The following CDC14B variants were observed in gnomAD, a reference collection of about 807,000 sequenced individuals.
CDC14B encodes cell division cycle 14B.
CDC14B carries 22 observed loss-of-function variants against 64.2 expected under a neutral mutation model. The ratio of observed to expected loss-of-function variants is 0.34; its 90% CI spans 0.24 to 0.49. CDC14B has a LOEUF of 0.49. Ranked by LOEUF, CDC14B falls within the 20% of genes least tolerant of loss-of-function variation. The pLI, the probability that CDC14B is intolerant of heterozygous loss-of-function variation, is 0.99. For synonymous variants in CDC14B, 191 were observed against 215.8 expected (o/e 0.89, Z 1.01); for missense variants, 498 against 629.9 (o/e 0.79, Z 2.24).
At chr9:96,514,652 T>C in intron 12 of CDC14B, 14 of 985,460 alleles carry the variant, frequency 1.4e-5, no homozygotes, top group Non-Finnish European at 1.7e-5. Context: ...TTGCATTCTT[T>C]CATAACTTCC....
chr9:96,577,112 G>A (rs955502402), intron 1 of CDC14B, among the ~76,000 whole-genome samples: 23 of 152,178 alleles, frequency 1.5e-4, no homozygotes, highest in Admixed American at 1.2e-3. Flanking sequence ...ATGAGCCGGC[G>A]TGGTGGCATG....
chr9:96,525,476 C>T (rs1042031747), intron 9 of CDC14B, among the ~76,000 whole-genome samples: 4 of 151,920 alleles, frequency 2.6e-5, no homozygotes, highest in Non-Finnish European at 5.9e-5. Context: ...CCTGCCTACT[C>T]CTTGATTTCA....
chr9:96,521,309 C>A (rs1836679216), intron 12 of CDC14B, among the ~76,000 whole-genome samples: 1 of 152,160 alleles, frequency 6.6e-6, no homozygotes, highest in African/African-American at 2.4e-5. Flanking sequence ...GAACTCCTGA[C>A]CTCAGGTGAT....
intron 1 of CDC14B, among the ~76,000 whole-genome samples, chr9:96,566,266 T>TA (rs1843902496): frequency 6.6e-6 from 1 of 152,122 alleles, no homozygotes; most frequent in African/African-American, 2.4e-5. Flanking sequence ...AGAAAATACT[T>TA]ACACTCACAA....
downstream of CDC14B, among the ~76,000 whole-genome samples, chr9:96,499,602 C>T (rs1305500594): frequency 6.6e-6 from 1 of 152,016 alleles, no homozygotes; most frequent in Non-Finnish European, 1.5e-5. Context: ...AATGGCCTGG[C>T]AGCAGGAGCC....
chr9:96,497,147 A>G (rs963976790), downstream of CDC14B, among the ~76,000 whole-genome samples: 13 of 152,170 alleles, frequency 8.5e-5, no homozygotes, highest in Non-Finnish European at 1.8e-4. Flanking sequence ...CCCCTTTAGA[A>G]ACAGACTTGG....
At chr9:96,511,431 T>C (rs1203011345) in intron 12 of CDC14B, among the ~76,000 whole-genome samples, 1 of 151,918 alleles carries the variant, frequency 6.6e-6, no homozygotes, top group Admixed American at 6.6e-5. Context: ...ATTAGCCGAG[T>C]GTGGTGGCAG....
intron 1 of CDC14B, among the ~76,000 whole-genome samples, chr9:96,597,791 A>G (rs984109481): frequency 2.2e-4 from 34 of 152,346 alleles, no homozygotes; most frequent in African/African-American, 8.2e-4. Flanking sequence ...GAAATGTTTA[A>G]GAGTTTACTG....
chr9:96,567,156 A>AGAGGGG, intron 1 of CDC14B: 1 of 413,108 alleles, frequency 2.4e-6, no homozygotes, highest in Non-Finnish European at 4.4e-6. Context: ...TCCAGTGCCC[A>AGAGGGG]AACGCTCCGC....
intron 1 of CDC14B, among the ~76,000 whole-genome samples, chr9:96,608,990 T>G (rs1163667333): frequency 1.3e-5 from 2 of 152,050 alleles, no homozygotes; most frequent in Non-Finnish European, 2.9e-5. Context: ...TATATATTTT[T>G]GAGATGGAGT....
At chr9:96,595,791 G>A (rs1253911682) in intron 1 of CDC14B, among the ~76,000 whole-genome samples, 1 of 152,130 alleles carries the variant, frequency 6.6e-6, no homozygotes, top group Non-Finnish European at 1.5e-5. Flanking sequence ...TCGTAGTTGC[G>A]CCTGGCTGGG....
intron 1 of CDC14B, among the ~76,000 whole-genome samples, chr9:96,575,169 G>A (rs895902120): frequency 2.0e-5 from 3 of 152,174 alleles, no homozygotes; most frequent in African/African-American, 4.8e-5. Context: ...CCATGGATCC[G>A]GGGTGTTGAA....
At chr9:96,594,927 C>T (rs1398502276) in intron 1 of CDC14B, among the ~76,000 whole-genome samples, 1 of 152,030 alleles carries the variant, frequency 6.6e-6, no homozygotes, top group Non-Finnish European at 1.5e-5. Flanking sequence ...CTGAGGCAGA[C>T]GGATCACGAG....
At chr9:96,507,311 G>GAAAAA (rs541475615) in intron 13 of CDC14B, among the ~76,000 whole-genome samples, 1 of 52,026 alleles carries the variant, frequency 1.9e-5, no homozygotes, top group Non-Finnish European at 4.1e-5. Context: ...CATGTCAAAG[G>GAAAAA]AAAAAAAAAA....
chr9:96,614,977 A>C (rs1230289957), intron 1 of CDC14B, among the ~76,000 whole-genome samples: 1 of 152,092 alleles, frequency 6.6e-6, no homozygotes, highest in African/African-American at 2.4e-5. Flanking sequence ...AGTAGCTGGG[A>C]CTATAGGCAC....
intron 5 of CDC14B, among the ~76,000 whole-genome samples, chr9:96,550,438 A>C (rs953893327): frequency 4.7e-4 from 71 of 152,234 alleles, no homozygotes; most frequent in African/African-American, 1.7e-3. Flanking sequence ...GATTCTGCCA[A>C]TAATTAGAAA....
intron 1 of CDC14B, among the ~76,000 whole-genome samples, chr9:96,569,148 T>C (rs1019207861): frequency 2.6e-5 from 4 of 152,328 alleles, no homozygotes; most frequent in Admixed American, 6.5e-5. Flanking sequence ...AGCTTTTGCA[T>C]TGTACGATGT....
chr9:96,615,845 A>G (rs967600862), intron 1 of CDC14B, among the ~76,000 whole-genome samples: 12 of 152,230 alleles, frequency 7.9e-5, no homozygotes, highest in African/African-American at 2.9e-4. Context: ...GATAAAGTCC[A>G]TATGTACTCT....
At chr9:96,533,394 C>T (rs1175453142) in intron 9 of CDC14B, among the ~76,000 whole-genome samples, 2 of 152,202 alleles carry the variant, frequency 1.3e-5, no homozygotes, top group African/African-American at 4.8e-5. Context: ...ACAGCAGTAA[C>T]TCTGGAGATC....
Sources: allele counts gnomAD v4.1 joint callset (sites outside exome capture counted in the v4.1 genomes callset), GRCh38; gene constraint gnomAD v4.1.1; transcripts MANE v1.5; gene names NCBI Gene and HGNC (gene_info 2026-07-23, HGNC 2026-07-21).